The following SNX30 variants were observed in gnomAD, a reference collection of about 807,000 sequenced individuals.
SNX30 encodes sorting nexin family member 30, also known as sorting nexin-30.
A neutral mutation model predicts 46.4 loss-of-function variants in SNX30; 24 were observed. The ratio of observed to expected loss-of-function variants is 0.52; its 90% CI spans 0.37 to 0.73. The LOEUF is 0.73. Ranked by LOEUF, SNX30 falls within the 30% of genes least tolerant of loss-of-function variation. The pLI, the probability that SNX30 is intolerant of heterozygous loss-of-function variation, is 0.00. For synonymous variants in SNX30, 189 were observed against 211.5 expected, an observed-to-expected ratio of 0.89 and a Z score of 0.92; for missense variants, 533 against 555.7, an observed-to-expected ratio of 0.96 and a Z score of 0.41.
At chr9:112,777,639 G>T (rs574139061) in intron 1 of SNX30, among the ~76,000 whole-genome samples, 5 of 110,608 alleles carry the variant, frequency 4.5e-5, no homozygotes, top group African/African-American at 1.8e-4. Flanking sequence ...GTGGAGATGG[G>T]TCTCACTATG....
intron 1 of SNX30, among the ~76,000 whole-genome samples, chr9:112,777,384 T>C (rs1247489402): frequency 1.3e-5 from 2 of 152,026 alleles, no homozygotes; most frequent in Non-Finnish European, 2.9e-5. Flanking sequence ...ACCAGTTTCC[T>C]AGTTTGTTCG....
chr9:112,754,080 C>A (rs551961761), intron 1 of SNX30, among the ~76,000 whole-genome samples: 3 of 152,150 alleles, frequency 2.0e-5, no homozygotes, highest in African/African-American at 4.8e-5. Flanking sequence ...AGGGATTCTG[C>A]GTCAGTTCTG....
rs61590658 is a variant in SNX30 at position 112,784,456 on chromosome 9, T to A, written c.157-20320T>A. 6.4e-3 allele frequency among the ~76,000 whole-genome samples: 975 copies of A among 152,312 alleles called. 9 individuals carry two copies. The highest frequency in any genetic ancestry group is 0.022 in the African/African-American group (906 of 41,560). On this transcript the variant is annotated intron_variant, in intron 1 of 8. Transcript: ENST00000374232. Reference sequence around the variant, plus strand: ...GAGCTAATCCACTTTCCAGGCCTTATTTCCTGCTGCTTCCCCTAGAGCAGC... The same window carrying A: ...GAGCTAATCCACTTTCCAGGCCTTAATTCCTGCTGCTTCCCCTAGAGCAGC...
intron 1 of SNX30, among the ~76,000 whole-genome samples, chr9:112,784,633 C>T (rs1212249202): frequency 6.6e-6 from 1 of 152,182 alleles, no homozygotes; most frequent in Non-Finnish European, 1.5e-5. Context: ...AGAGGACTTT[C>T]TCACACATCC....
chr9:112,779,610 G>T (rs962300671), intron 1 of SNX30, among the ~76,000 whole-genome samples: 3 of 152,138 alleles, frequency 2.0e-5, no homozygotes, highest in African/African-American at 7.2e-5. Context: ...CAGGAGAATT[G>T]CTTGAACCTG....
At chr9:112,824,275 G>A (rs1394486386) in intron 3 of SNX30, among the ~76,000 whole-genome samples, 1 of 152,110 alleles carries the variant, frequency 6.6e-6, no homozygotes, top group African/African-American at 2.4e-5. Flanking sequence ...TCTAATATCA[G>A]TATTTCAAGA....
At chr9:112,769,442 T>C (rs969784257) in intron 1 of SNX30, among the ~76,000 whole-genome samples, 2 of 152,224 alleles carry the variant, frequency 1.3e-5, no homozygotes, top group Non-Finnish European at 2.9e-5. Flanking sequence ...TCTCCACTAC[T>C]GTGGGTGCAG....
At chr9:112,863,645 T>C (rs1305062899) in intron 7 of SNX30, among the ~76,000 whole-genome samples, 1 of 152,220 alleles carries the variant, frequency 6.6e-6, no homozygotes, top group Non-Finnish European at 1.5e-5. Context: ...TCTCTAACTC[T>C]CCATTTAAAA....
intron 2 of SNX30, among the ~76,000 whole-genome samples, chr9:112,808,097 TG>T: frequency 6.6e-6 from 1 of 152,328 alleles, no homozygotes; most frequent in Non-Finnish European, 1.5e-5. Flanking sequence ...GGCTTCTTTC[TG>T]AAGTTGTATT....
intron 2 of SNX30, among the ~76,000 whole-genome samples, chr9:112,816,018 T>C (rs1840390972): frequency 6.6e-6 from 1 of 151,984 alleles, no homozygotes; most frequent in African/African-American, 2.4e-5. Flanking sequence ...AATTTAAAAC[T>C]TTTTTTTGCA....
At chr9:112,822,153 A>T (rs1237048535) in intron 3 of SNX30, among the ~76,000 whole-genome samples, 1 of 150,158 alleles carries the variant, frequency 6.7e-6, no homozygotes, top group Non-Finnish European at 1.5e-5. Context: ...GCCTCAAGGG[A>T]TCCTCCTGCC....
upstream of SNX30, chr9:112,750,756 C>T (rs1442055570): frequency 2.6e-5 from 4 of 152,760 alleles, no homozygotes; most frequent in Non-Finnish European, 4.2e-5. Context: ...GTGGGCTGGG[C>T]GCCGCGGCCG....
At chr9:112,795,714 C>G (rs1409506539) in intron 1 of SNX30, among the ~76,000 whole-genome samples, 5 of 151,022 alleles carry the variant, frequency 3.3e-5, no homozygotes, top group Non-Finnish European at 7.4e-5. Context: ...GAAGTCACTA[C>G]CCGACCTGGG....
At chr9:112,855,569 T>C (rs931597007) in intron 7 of SNX30, among the ~76,000 whole-genome samples, 16 of 152,042 alleles carry the variant, frequency 1.1e-4, no homozygotes, top group African/African-American at 3.9e-4. Context: ...AATTTCAACG[T>C]GGGGTGATCC....
intron 1 of SNX30, among the ~76,000 whole-genome samples, chr9:112,782,043 G>C (rs1191475511): frequency 6.6e-6 from 1 of 152,056 alleles, no homozygotes; most frequent in Non-Finnish European, 1.5e-5. Context: ...TAAAATTTCA[G>C]TCTTTGTTAG....
intron 6 of SNX30, among the ~76,000 whole-genome samples, chr9:112,840,786 C>CT (rs1367432295): frequency 1.4e-3 from 194 of 134,956 alleles, no homozygotes; most frequent in Middle Eastern, 5.1e-3. Flanking sequence ...GCTGATATTT[C>CT]TTTTTTTTTT....
At chr9:112,808,522 C>T (rs947728265) in intron 2 of SNX30, among the ~76,000 whole-genome samples, 4 of 152,174 alleles carry the variant, frequency 2.6e-5, no homozygotes, top group Admixed American at 2.6e-4. Flanking sequence ...ATCATAACAG[C>T]AGCTAGTTAT....
chr9:112,832,060 C>A (rs182163757), intron 4 of SNX30, among the ~76,000 whole-genome samples: 295 of 152,234 alleles, frequency 1.9e-3, no homozygotes, highest in African/African-American at 6.1e-3. Flanking sequence ...GAGAGTGTGC[C>A]GTTCTTCACT....
At chr9:112,757,762 C>T (rs959908758) in intron 1 of SNX30, among the ~76,000 whole-genome samples, 1 of 152,180 alleles carries the variant, frequency 6.6e-6, no homozygotes, top group East Asian at 1.9e-4. Flanking sequence ...CCTTTAGATT[C>T]TGTGGCCCAT....
Sources: allele counts gnomAD v4.1 joint callset (sites outside exome capture counted in the v4.1 genomes callset), GRCh38; gene constraint gnomAD v4.1.1; transcripts MANE v1.5; gene names NCBI Gene and HGNC (gene_info 2026-07-23, HGNC 2026-07-21).